The following NDC1 variants were observed in gnomAD, a reference collection of about 807,000 sequenced individuals.
NDC1 encodes the protein NDC1 transmembrane nucleoporin.
A neutral mutation model predicts 89.8 loss-of-function variants in NDC1; 24 were observed. That is an observed-to-expected ratio of 0.27 (90% confidence interval 0.19 to 0.38). The LOEUF (loss-of-function observed/expected upper bound fraction) is 0.38, where lower values mean the gene tolerates loss of function less well. NDC1 is among the 10% of genes least tolerant of loss of function. The pLI is 1.00. For missense variants in NDC1, 728 were observed against 797.6 expected, an observed-to-expected ratio of 0.91 and a Z score of 1.05; for synonymous variants, 296 against 284.8, an observed-to-expected ratio of 1.04 and a Z score of -0.39.
At chr1:53,793,362 A>G (rs1647585170) in intron 13 of NDC1, 83 bp from the exon 14 acceptor site, 3 of 1,122,836 alleles carry the variant, frequency 2.7e-6, no homozygotes, top group South Asian at 1.3e-5. Context: ...TCTTCCAGAC[A>G]GTAACTTAAA....
Position 53,835,519 on chromosome 1 carries a change from A to T in NDC1, c.159T>A (p.His53Gln), listed in dbSNP as rs1185232454. ...FIIFSRIDLF[H>Q]PIQWLSDSFS... is the part of the protein sequence containing the mutation. ...ACCTACCAGACAGCCACTGTATAGGATGAAACAAATCAATCCTGCTGAAAA... is the reference window on the plus strand; with the variant it reads ...ACCTACCAGACAGCCACTGTATAGGTTGAAACAAATCAATCCTGCTGAAAA... Residue 53 changes from histidine (H) to glutamine (Q), a missense_variant, in exon 2 of 18, where the codon CAT becomes CAA. His to Gln is a conservative substitution (Grantham distance 24, BLOSUM62 0). Coordinates refer to ENST00000371429, the MANE Select transcript of NDC1 (RefSeq NM_018087.5). 25 of 1,613,682 alleles carry T rather than the reference A, an allele frequency of 1.5e-5. No individual in the cohort carries two copies. The highest frequency in any genetic ancestry group is 2.0e-5 in the Non-Finnish European group (24 of 1,179,794).
At chr1:53,813,305 C>T (rs1648372195) in intron 6 of NDC1, among the ~76,000 whole-genome samples, 1 of 152,014 alleles carries the variant, frequency 6.6e-6, no homozygotes, top group African/African-American at 2.4e-5. Flanking sequence ...TGTAAATGGC[C>T]TAAATCCTCC....
chr1:53,830,081 G>A (rs978877431), intron 3 of NDC1, among the ~76,000 whole-genome samples: 4 of 151,972 alleles, frequency 2.6e-5, no homozygotes, highest in African/African-American at 9.7e-5. Context: ...AACCCGGGAG[G>A]CAGAGGCGTC....
intron 5 of NDC1, among the ~76,000 whole-genome samples, chr1:53,821,435 T>C (rs568627478): frequency 1.2e-3 from 179 of 152,270 alleles, no homozygotes; most frequent in African/African-American, 4.2e-3. Context: ...AGAGCGAGAC[T>C]GTCTCAAAAA....
At position 53,835,623 on chromosome 1, in the gene NDC1, A is replaced by G; in HGVS notation, c.58-3T>C. 2 of 1,600,942 alleles carry G rather than the reference A, an allele frequency of 1.2e-6. No individual in the cohort carries two copies. Among genetic ancestry groups the G allele is most frequent in the Non-Finnish European group, 1.7e-6 (2 of 1,176,712 alleles). On this transcript the variant is annotated splice_region_variant and splice_polypyrimidine_tract_variant and intron_variant, in intron 1 of 17. Coordinates refer to ENST00000371429, the MANE Select transcript of NDC1 (RefSeq NM_018087.5). ...GCAACTATCCTCCAGCCCAAAACCT[A>G]TAAACAAAAAGAAAAACCCTCACTC...
Position 53,769,366 on chromosome 1 carries a change from A to C in NDC1, c.1962-1333T>G, listed in dbSNP as rs570920581. Among the ~76,000 whole-genome samples, 8 of 152,332 alleles carry C rather than the reference A, an allele frequency of 5.3e-5. No homozygotes were observed. The South Asian group carries it at 1.2e-3, about 24-fold the overall frequency. ...TGACGACTATGGCTAACAAAATTGT[A>C]ATGTACTAGGTATTTTTGTTAAATA... On this transcript the variant is annotated intron_variant, in intron 17 of 17. Coordinates refer to ENST00000371429, the MANE Select transcript of NDC1 (RefSeq NM_018087.5).
intron 6 of NDC1, among the ~76,000 whole-genome samples, chr1:53,813,252 T>C (rs1281382449): frequency 6.6e-6 from 1 of 152,172 alleles, no homozygotes; most frequent in Non-Finnish European, 1.5e-5. Context: ...ACAAAAAGCA[T>C]GGTGAATTCG....
At chr1:53,823,284 C>T (rs935358098) in intron 5 of NDC1, among the ~76,000 whole-genome samples, 7 of 152,178 alleles carry the variant, frequency 4.6e-5, no homozygotes, top group Admixed American at 3.3e-4. Context: ...CTCATGGCTA[C>T]AAGACATGCC....
Position 53,789,214 on chromosome 1 carries a change from A to C in NDC1, c.1636-18T>G. ...TCTGGGTGCTACAAATAAAAACAAA[A>C]ACATTCAAGTGAATTCCCCTGAGCA... On this transcript the variant is annotated intron_variant, in intron 14 of 17. Transcript: ENST00000371429. The C allele has an allele frequency of 6.3e-7, 1 of 1,575,586 alleles. No homozygotes were observed. The highest frequency in any genetic ancestry group is 8.7e-7 in the Non-Finnish European group (1 of 1,151,632).
chr1:53,779,912 G>A (rs1211750817), intron 16 of NDC1, among the ~76,000 whole-genome samples: 2 of 152,046 alleles, frequency 1.3e-5, no homozygotes, highest in Middle Eastern at 3.4e-3. Context: ...CCATAGCTCT[G>A]GCCCTCAAGA....
chr1:53,802,567 T>G (rs1188024944), intron 10 of NDC1, among the ~76,000 whole-genome samples: 1 of 152,102 alleles, frequency 6.6e-6, no homozygotes, highest in Non-Finnish European at 1.5e-5. Context: ...TAATACCAGC[T>G]ACTTGAAAGG....
At chr1:53,810,608 A>G (rs1171101090) in intron 6 of NDC1, among the ~76,000 whole-genome samples, 1 of 152,222 alleles carries the variant, frequency 6.6e-6, no homozygotes, top group East Asian at 1.9e-4. Context: ...GTAGTAGGTC[A>G]ATACATTGCA....
chr1:53,825,442 G>A lies in NDC1; in HGVS notation c.594+356C>T, dbSNP rs937919638. Among the ~76,000 whole-genome samples, 6 of 97,794 alleles carry A rather than the reference G, an allele frequency of 6.1e-5. 1 individual carries two copies. Among genetic ancestry groups the A allele is most frequent in the African/African-American group, 1.6e-4 (2 of 12,680 alleles). The allele number at this position is 97,794 out of a possible 152,430, so 64.2% of individuals were successfully genotyped here. On this transcript the variant is annotated intron_variant, in intron 5 of 17. Coordinates refer to ENST00000371429, the MANE Select transcript of NDC1 (RefSeq NM_018087.5). ...TGCACTCCAGCCTGGGCAAAGAAGC[G>A]AGACTGTCTCCAAAAAAAAAGAAGC...
chr1:53,783,921 G>A (rs917769336), intron 16 of NDC1, among the ~76,000 whole-genome samples: 12 of 152,252 alleles, frequency 7.9e-5, no homozygotes, highest in Middle Eastern at 3.4e-3. Flanking sequence ...GCAAGACAGG[G>A]CTTGACCTTT....
chr1:53,773,376 G>A (rs1442139635), intron 16 of NDC1, among the ~76,000 whole-genome samples: 2 of 151,994 alleles, frequency 1.3e-5, no homozygotes, highest in Non-Finnish European at 2.9e-5. Context: ...TTTAATTTTA[G>A]CATCCTATTT....
At chr1:53,787,384 C>A in intron 15 of NDC1, 126 bp from the exon 16 acceptor site, 1 of 592,254 alleles carries the variant, frequency 1.7e-6, no homozygotes. Context: ...CACGGTGGCT[C>A]ACACCTGTAA....
chr1:53,811,768 G>T (rs1357024610), intron 6 of NDC1, among the ~76,000 whole-genome samples: 1 of 151,942 alleles, frequency 6.6e-6, no homozygotes. Context: ...AGGTTTTCCG[G>T]AAAGCGCCAC....
rs56148840 is a variant in NDC1, at chr1:53,775,209, G to T, written c.1801-2720C>A. On this transcript the variant is annotated intron_variant, in intron 16 of 17. Transcript: ENST00000371429. ...TTTGACAACTCATAATTTTGCTGAA[G>T]AAAGTACAGCCATTTTCTTTGCACC... Among the ~76,000 whole-genome samples the T allele has an allele frequency of 4.7e-3, 720 of 152,230 alleles. 2 individuals carry two copies. Among genetic ancestry groups the T allele is most frequent in the Non-Finnish European group, 7.6e-3 (515 of 67,998 alleles).
chr1:53,786,894 C>T (rs1245721758), intron 16 of NDC1, among the ~76,000 whole-genome samples: 2 of 152,082 alleles, frequency 1.3e-5, no homozygotes, highest in Non-Finnish European at 2.9e-5. Flanking sequence ...CCGAGTCTTG[C>T]CATGTTGCTT....
Sources: allele counts gnomAD v4.1 joint callset (sites outside exome capture counted in the v4.1 genomes callset), GRCh38; gene constraint gnomAD v4.1.1; transcripts MANE v1.5; gene names NCBI Gene and HGNC (gene_info 2026-07-23, HGNC 2026-07-21).